The following TMCC2 variants were observed in gnomAD, a reference collection of about 807,000 sequenced individuals.
TMCC2 encodes transmembrane and coiled-coil domains protein 2.
Under a neutral mutation model 49.4 loss-of-function variants are expected in TMCC2, and 16 were observed. That is an observed-to-expected ratio of 0.32 (90% confidence interval 0.22 to 0.49). The LOEUF is 0.49. Among genes scored for constraint, TMCC2 ranks in the 20% least tolerant of loss-of-function variants. The probability of loss-of-function intolerance (pLI) is 0.99; values close to 1 mark genes in which losing one functional copy is unlikely to be tolerated. For synonymous variants in TMCC2, 397 were observed against 434.1 expected (o/e 0.91, Z 1.06); for missense variants, 762 against 989.8 (o/e 0.77, Z 3.09).
At chr1:205,242,196 G>A (rs935206942) in intron 2 of TMCC2, 152 bp downstream of exon 2, 6 of 870,696 alleles carry the variant, frequency 6.9e-6, no homozygotes, top group South Asian at 2.2e-5. Flanking sequence ...TAAAGGAGTC[G>A]GGTATGACTA....
chr1:205,232,167 A>T (rs1258010147), intron 1 of TMCC2, among the ~76,000 whole-genome samples: 2 of 152,174 alleles, frequency 1.3e-5, no homozygotes, highest in African/African-American at 2.4e-5. Context: ...ATCTGTGATT[A>T]TAGGGTGGGA....
chr1:205,232,952 A>C (rs1214373347), intron 1 of TMCC2, among the ~76,000 whole-genome samples: 5 of 147,036 alleles, frequency 3.4e-5, no homozygotes, highest in Non-Finnish European at 7.4e-5. Context: ...AAAAAAAAAA[A>C]AAAAAAAACA....
At position 205,271,222 on chromosome 1, in the gene TMCC2, C is replaced by G; in HGVS notation, c.1785C>G (p.Ala595=). The G allele has an allele frequency of 1.2e-6, 2 of 1,614,170 alleles. No individual in the cohort carries two copies. Among genetic ancestry groups the G allele is most frequent in the Non-Finnish European group, 1.7e-6 (2 of 1,180,044 alleles). Residue 595 remains alanine, a synonymous_variant, in exon 4 of 5, where the codon GCC becomes GCG. Coordinates refer to ENST00000358024, the MANE Select transcript of TMCC2 (RefSeq NM_014858.4). ...QELASMEEKV[A]YQSYERARDI... ...TGGCCAGCATGGAGGAGAAGGTGGC[C>G]TACCAGTCCTATGAGAGGGCACGGG...
chr1:205,245,571 T>C (rs1362069329), intron 2 of TMCC2, among the ~76,000 whole-genome samples: 2 of 152,232 alleles, frequency 1.3e-5, no homozygotes, highest in African/African-American at 4.8e-5. Flanking sequence ...AATTGTCCTC[T>C]CATCAACACA....
intron 1 of TMCC2, among the ~76,000 whole-genome samples, chr1:205,234,619 T>C (rs530427400): frequency 1.2e-4 from 18 of 152,178 alleles, no homozygotes; most frequent in African/African-American, 4.1e-4. Flanking sequence ...CAGAAACTTA[T>C]GGGGGTTAAT....
chr1:205,271,417 G>A, intron 4 of TMCC2, 162 bp downstream of exon 4: 5 of 1,211,800 alleles, frequency 4.1e-6, no homozygotes, highest in East Asian at 2.5e-5. Context: ...CGGGAGCGGA[G>A]TGGAGTGAGC....
chr1:205,240,268 C>T (rs531573468), intron 1 of TMCC2, among the ~76,000 whole-genome samples: 9 of 152,372 alleles, frequency 5.9e-5, no homozygotes, highest in Non-Finnish European at 1.2e-4. Context: ...CACAGTTGCT[C>T]GCCCTGGCAG....
intron 1 of TMCC2, among the ~76,000 whole-genome samples, chr1:205,230,329 C>T (rs780054175): frequency 1.3e-5 from 2 of 152,158 alleles, no homozygotes; most frequent in Non-Finnish European, 2.9e-5. Context: ...TTCAGAGCTT[C>T]GTGGCTAGAC....
chr1:205,229,581 A>AGGGGGGG (rs1659711192), intron 1 of TMCC2: 3 of 771,910 alleles, frequency 3.9e-6, no homozygotes, highest in East Asian at 1.6e-4. Context: ...CGGGGGGGGA[A>AGGGGGGG]GGTGGATTTC....
intron 2 of TMCC2, among the ~76,000 whole-genome samples, chr1:205,262,441 G>T (rs1024002360): frequency 6.6e-6 from 1 of 152,126 alleles, no homozygotes; most frequent in Non-Finnish European, 1.5e-5. Context: ...AGCCAGCTCC[G>T]ACTCTGCTTC....
intron 1 of TMCC2, among the ~76,000 whole-genome samples, chr1:205,231,496 T>A (rs1051437517): frequency 4.5e-4 from 68 of 152,054 alleles, no homozygotes; most frequent in African/African-American, 1.5e-3. Flanking sequence ...AGGGTCTTGC[T>A]ATATTGCCTA....
At chr1:205,232,251 GCCT>G (rs1659828394) in intron 1 of TMCC2, among the ~76,000 whole-genome samples, 1 of 152,198 alleles carries the variant, frequency 6.6e-6, no homozygotes, top group African/African-American at 2.4e-5. Context: ...AATGGACATT[GCCT>G]CACAGGAGGC....
chr1:205,271,011 C>CG lies in TMCC2; in HGVS notation c.1683-104dup. The CG allele has an allele frequency of 2.1e-6, 3 of 1,458,692 alleles. No homozygotes were observed. In the Admixed American group the frequency reaches 6.2e-5, roughly 30 times the overall value. 90.4% of individuals were successfully genotyped at this position (1,458,692 alleles called of 1,614,324 possible). On this transcript the variant is annotated intron_variant, in intron 3 of 4. Coordinates refer to ENST00000358024, the MANE Select transcript of TMCC2 (RefSeq NM_014858.4). ...AATTAGAACAGAGCAGAGCTGGACA[C>CG]GGGGGATGGGCTGAGTCATTGTTTA... is the stretch of plus-strand genomic sequence containing the variant.
intron 2 of TMCC2, among the ~76,000 whole-genome samples, chr1:205,252,709 T>C (rs1383970552): frequency 6.6e-6 from 1 of 152,208 alleles, no homozygotes; most frequent in African/African-American, 2.4e-5. Context: ...CCTCACCTTG[T>C]ATTCTAAGCT....
At chr1:205,247,271 C>T (rs1660489399) in intron 2 of TMCC2, among the ~76,000 whole-genome samples, 1 of 152,112 alleles carries the variant, frequency 6.6e-6, no homozygotes, top group Non-Finnish European at 1.5e-5. Context: ...TTGCCTATGG[C>T]ACCCAGCTAG....
chr1:205,239,114 T>A (rs1660168388), intron 1 of TMCC2, among the ~76,000 whole-genome samples: 1 of 152,106 alleles, frequency 6.6e-6, no homozygotes, highest in Non-Finnish European at 1.5e-5. Context: ...GAAGGGAAAC[T>A]CTTTCTGCCT....
Position 205,229,133 on chromosome 1 carries a change from G to A in TMCC2, c.207+362G>A, listed in dbSNP as rs149602590. 4 of 1,120,462 alleles carry A rather than the reference G, an allele frequency of 3.6e-6. No homozygotes were observed. In the African/African-American group the frequency reaches 4.8e-5, roughly 13 times the overall value. 69.4% of individuals were successfully genotyped at this position (1,120,462 alleles called of 1,614,324 possible). A position where few individuals can be genotyped will look rare whatever the true frequency, so the allele number is the denominator to read the frequency against. ...ACCATTAGTTTTCCTTGCTGAGTAAGTCTCTACCCATTGGGATCTTTGTGT... is the reference window on the plus strand; with the variant it reads ...ACCATTAGTTTTCCTTGCTGAGTAAATCTCTACCCATTGGGATCTTTGTGT... On this transcript the variant is annotated intron_variant, in intron 1 of 4. Coordinates refer to ENST00000358024, the MANE Select transcript of TMCC2 (RefSeq NM_014858.4).
At chr1:205,257,908 A>G (rs1660942931) in intron 2 of TMCC2, among the ~76,000 whole-genome samples, 1 of 152,164 alleles carries the variant, frequency 6.6e-6, no homozygotes, top group Admixed American at 6.5e-5. Context: ...GGGTGTGAGG[A>G]GACGAGGAGG....
In TMCC2 at chr1:205,241,555, C is replaced by T. The variant is rs1441919993; in HGVS notation, c.258C>T (p.His86=). ...EGSMFGHGLK[H]LFHSRRRSRE... ...CCATGTTTGGCCACGGTCTGAAGCA[C>T]CTGTTCCACAGCCGCCGTCGGTCTC... The change falls in exon 2 of 5, where the codon CAC becomes CAT. Residue 86 remains histidine (H), a synonymous_variant. Transcript: ENST00000358024. The surrounding 1 kb of genome is among the most constrained non-coding windows in gnomAD (Gnocchi z 7.3). The T allele has an allele frequency of 1.9e-6, 3 of 1,613,874 alleles. No individual in the cohort carries two copies. Among genetic ancestry groups the T allele is most frequent in the Non-Finnish European group, 2.5e-6 (3 of 1,180,014 alleles).
Sources: gnomAD v4.1 joint callset for allele counts (sites outside exome capture counted in the v4.1 genomes callset) on GRCh38, gnomAD v4.1.1 for gene constraint, Gnocchi (gnomAD v3.1) non-coding constraint, MANE v1.5 for transcripts, NCBI Gene and HGNC (gene_info 2026-07-23, HGNC 2026-07-21) for gene names.